Variants in BAZ1A observed in about 807,000 individuals in gnomAD.
The protein encoded by BAZ1A is bromodomain adjacent to zinc finger domain protein 1A.
A neutral mutation model predicts 185.2 loss-of-function variants in BAZ1A; 50 were observed. The observed-to-expected ratio is 0.27, with a 90% confidence interval of 0.22 to 0.34. The LOEUF is 0.34. Among genes scored for constraint, BAZ1A ranks in the 10% least tolerant of loss-of-function variants. BAZ1A has a pLI of 1.00. For synonymous variants in BAZ1A, 571 were observed against 615.6 expected, an observed-to-expected ratio of 0.93 and a Z score of 1.07; for missense variants, 1,356 against 1,839.9, an observed-to-expected ratio of 0.74 and a Z score of 4.81.
intron 4 of BAZ1A, among the ~76,000 whole-genome samples, chr14:34,820,069 T>G (rs1335966046): frequency 6.6e-6 from 1 of 152,052 alleles, no homozygotes; most frequent in East Asian, 1.9e-4. Context: ...CTATATGGCT[T>G]CTTTGGTGAG....
At chr14:34,815,569 G>A (rs550014218) in intron 4 of BAZ1A, among the ~76,000 whole-genome samples, 3 of 152,202 alleles carry the variant, frequency 2.0e-5, no homozygotes, top group Admixed American at 6.5e-5. Flanking sequence ...ACACCATTCC[G>A]ATTATTCATT....
At chr14:34,804,161 C>T (rs1447570151) in intron 6 of BAZ1A, among the ~76,000 whole-genome samples, 1 of 152,094 alleles carries the variant, frequency 6.6e-6, no homozygotes, top group African/African-American at 2.4e-5. Flanking sequence ...GTGCGTGCCA[C>T]CACATCTGGC....
intron 3 of BAZ1A, among the ~76,000 whole-genome samples, chr14:34,848,636 T>C (rs2042552597): frequency 6.6e-6 from 1 of 152,118 alleles, no homozygotes; most frequent in Admixed American, 6.6e-5. Context: ...TACAAGGCAG[T>C]TCTAAAAACA....
chr14:34,771,344 T>C (rs1044165847), intron 21 of BAZ1A, 167 bp downstream of exon 21: 5 of 703,710 alleles, frequency 7.1e-6, no homozygotes, highest in African/African-American at 5.4e-5. Context: ...ACTGTATTAT[T>C]CTAAAAATAA....
intron 26 of BAZ1A, among the ~76,000 whole-genome samples, chr14:34,754,429 A>AG (rs1886152428): frequency 6.6e-6 from 1 of 151,412 alleles, no homozygotes; most frequent in Non-Finnish European, 1.5e-5. Flanking sequence ...AAAAAAAAAA[A>AG]AAAGAAAAAA....
chr14:34,753,751 T>G (rs747820925), intron 26 of BAZ1A, 47 bp from the exon 27 acceptor site: 55 of 1,351,280 alleles, frequency 4.1e-5, no homozygotes, highest in Non-Finnish European at 5.3e-5. Flanking sequence ...GTACATAAAT[T>G]ATAATAAATA....
chr14:34,845,729 C>T (rs143903316), intron 3 of BAZ1A, among the ~76,000 whole-genome samples: 364 of 151,956 alleles, frequency 2.4e-3, no homozygotes, highest in African/African-American at 5.8e-3. Context: ...GGCGTGGTGG[C>T]GTGTGCCTGT....
intron 3 of BAZ1A, 106 bp downstream of exon 3, chr14:34,861,938 G>A (rs1049362556): frequency 3.9e-6 from 5 of 1,291,228 alleles, no homozygotes; most frequent in Non-Finnish European, 4.3e-6. Context: ...AGAATAGCTA[G>A]AGCATAGTAA....
In BAZ1A at chr14:34,848,146, G is replaced by A. The variant is rs1319251455; in HGVS notation, c.392+13898C>T. Reference sequence around the variant, plus strand: ...CAAAGTGCTAGGATTACAGGCATGAGTCATTGCACCCAGCTAATTTTCTTT... The same window carrying A: ...CAAAGTGCTAGGATTACAGGCATGAATCATTGCACCCAGCTAATTTTCTTT... On this transcript the variant is annotated intron_variant, in intron 3 of 26. Transcript: ENST00000360310. Among the ~76,000 whole-genome samples, 3 of 152,128 alleles carry A rather than the reference G, an allele frequency of 2.0e-5. No homozygotes were observed. In the East Asian group the frequency reaches 5.8e-4, roughly 29 times the overall value.
intron 16 of BAZ1A, among the ~76,000 whole-genome samples, chr14:34,781,004 A>C (rs1440439589): frequency 6.6e-6 from 1 of 152,170 alleles, no homozygotes; most frequent in Non-Finnish European, 1.5e-5. Flanking sequence ...TAAATAGTGG[A>C]GGAGAGAAAT....
At chr14:34,852,827 C>T (rs1401093109) in intron 3 of BAZ1A, among the ~76,000 whole-genome samples, 1 of 152,150 alleles carries the variant, frequency 6.6e-6, no homozygotes, top group Admixed American at 6.5e-5. Flanking sequence ...ACTACTTGTT[C>T]AAAGCCATAC....
chr14:34,869,245 A>C (rs1024444447), intron 2 of BAZ1A, among the ~76,000 whole-genome samples: 2 of 152,056 alleles, frequency 1.3e-5, no homozygotes, highest in East Asian at 1.9e-4. Context: ...CATAACATAA[A>C]ATCAGATAAT....
chr14:34,857,238 C>T (rs1355514671), intron 3 of BAZ1A, among the ~76,000 whole-genome samples: 1 of 152,044 alleles, frequency 6.6e-6, no homozygotes, highest in Non-Finnish European at 1.5e-5. Context: ...GATCTCCTGA[C>T]CTCATGATCT....
intron 26 of BAZ1A, 119 bp from the exon 27 acceptor site, chr14:34,753,823 A>G: frequency 1.1e-6 from 1 of 878,868 alleles, no homozygotes; most frequent in East Asian, 2.9e-5. Flanking sequence ...TTTTCTTTAG[A>G]AAGAGAAGAC....
intron 21 of BAZ1A, among the ~76,000 whole-genome samples, chr14:34,766,436 T>A (rs765511205): frequency 5.9e-5 from 9 of 152,136 alleles, no homozygotes; most frequent in Non-Finnish European, 1.0e-4. Context: ...CTTGAGCTCC[T>A]GTTTGCCTGT....
intron 2 of BAZ1A, among the ~76,000 whole-genome samples, chr14:34,866,056 C>T (rs933797859): frequency 3.9e-5 from 6 of 151,966 alleles, no homozygotes; most frequent in African/African-American, 9.7e-5. Context: ...AGCCAGGGGG[C>T]GCACATCTAT....
At chr14:34,762,247 AATT>A (rs1389602140) in intron 23 of BAZ1A, 24 bp from the exon 24 acceptor site, 3 of 1,599,858 alleles carry the variant, frequency 1.9e-6, no homozygotes, top group Admixed American at 3.4e-5. Context: ...TAGAAAACAC[AATT>A]ATTGTACAGA....
chr14:34,840,898 C>CTT, intron 3 of BAZ1A, among the ~76,000 whole-genome samples: 1 of 152,240 alleles, frequency 6.6e-6, no homozygotes, highest in East Asian at 1.9e-4. Context: ...CAAACATAAC[C>CTT]TTTTCTTTTG....
chr14:34,764,849 A>G lies in BAZ1A; in HGVS notation c.3634T>C (p.Leu1212=), dbSNP rs1878725436. Reference sequence around the variant, plus strand: ...TCTTCCACATCTTCATCACTTTCCAAGGATGGTCTCTGTCTAGAGGAGAGT... The same window carrying G: ...TCTTCCACATCTTCATCACTTTCCAGGGATGGTCTCTGTCTAGAGGAGAGT... ...RRLSSRQRPS[L]ESDEDVEDSM... Residue 1212 remains leucine, a synonymous_variant, in exon 23 of 27, where the codon TTG becomes CTG. Transcript: ENST00000360310. 1 of 1,613,946 alleles carries G rather than the reference A, an allele frequency of 6.2e-7. No homozygotes were observed. The highest frequency in any genetic ancestry group is 2.2e-5 in the East Asian group (1 of 44,888).
Sources: allele counts gnomAD v4.1 joint callset (sites outside exome capture counted in the v4.1 genomes callset), GRCh38; gene constraint gnomAD v4.1.1; transcripts MANE v1.5; gene names NCBI Gene and HGNC (gene_info 2026-07-23, HGNC 2026-07-21).